TACR2: variants seen among roughly 807,000 people sequenced by gnomAD.
The protein encoded by TACR2 is tachykinin receptor 2.
Under a neutral mutation model 28.9 loss-of-function variants are expected in TACR2, and 24 were observed. The ratio of observed to expected loss-of-function variants is 0.83; its 90% CI spans 0.60 to 1.17. The LOEUF is 1.17. Among genes scored for constraint, TACR2 ranks in the 50% most tolerant of loss-of-function variants. The probability of loss-of-function intolerance (pLI) is 0.00; values close to 1 mark genes in which losing one functional copy is unlikely to be tolerated. For missense variants in TACR2, 487 were observed against 524.4 expected (o/e 0.93, Z 0.70); for synonymous variants, 222 against 212.6 (o/e 1.04, Z -0.38).
At chr10:69,415,820 A>C in intron 1 of TACR2, 112 bp downstream of exon 1, 9 of 1,312,598 alleles carry the variant, frequency 6.9e-6, no homozygotes, top group Non-Finnish European at 8.4e-6. Flanking sequence ...TTGGGAAGCC[A>C]TTCCCATGGT....
chr10:69,415,991 G>T lies in TACR2; in HGVS notation c.333C>A (p.Leu111=). The T allele has an allele frequency of 6.2e-7, 1 of 1,614,250 alleles. No individual in the cohort carries two copies. Among genetic ancestry groups the T allele is most frequent in the South Asian group, 1.1e-5 (1 of 91,086 alleles). ...FGRAFCYFQN[L]FPITAMFVSI... ...TGACAAACATGGCTGTGATGGGGAA[G>T]AGGTTCTGGAAGTAGCAGAAGGCAC... The change falls in exon 1 of 5, where the codon CTC becomes CTA. Residue 111 remains leucine (L), a synonymous_variant. Transcript: ENST00000373306.
In TACR2 at chr10:69,416,686, A is replaced by G; in HGVS notation, c.-363T>C. The G allele has an allele frequency of 5.3e-6, 1 of 189,530 alleles. No individual in the cohort carries two copies. Among genetic ancestry groups the G allele is most frequent in the Non-Finnish European group, 1.1e-5 (1 of 92,044 alleles). 11.7% of individuals were successfully genotyped at this position (189,530 alleles called of 1,614,324 possible). Reference sequence around the variant, plus strand: ...AGAGATTCCAAGAGGGGACGGGACCAGCCCAGGTCACTCAGGAAGTTGGTG... The same window carrying G: ...AGAGATTCCAAGAGGGGACGGGACCGGCCCAGGTCACTCAGGAAGTTGGTG... On this transcript the variant is annotated 5_prime_UTR_variant, in exon 1 of 5. Coordinates refer to ENST00000373306, the MANE Select transcript of TACR2 (RefSeq NM_001057.3).
chr10:69,409,113 G>A, intron 2 of TACR2, 38 bp from the exon 3 acceptor site: 2 of 1,502,350 alleles, frequency 1.3e-6, no homozygotes, highest in South Asian at 1.3e-5. Flanking sequence ...CGGAGGGCCC[G>A]GGGGCGACTC....
rs1419867854 is a variant in TACR2, at chr10:69,404,542, T to G, written c.*284A>C. 1 of 282,098 alleles carries G rather than the reference T, an allele frequency of 3.5e-6. No homozygotes were observed. The highest frequency in any genetic ancestry group is 6.0e-5 in the East Asian group (1 of 16,608). The allele number at this position is 282,098 out of a possible 1,614,324, so 17.5% of individuals were successfully genotyped here. On this transcript the variant is annotated 3_prime_UTR_variant, in exon 5 of 5. Transcript: ENST00000373306. ...TTCTGGTGGCTGGAATATCCAAGAT[T>G]GGGCAGCTGCATCTGGTGAAGGCCT...
rs201627065 is a variant in TACR2, at chr10:69,416,182, C to T, written c.142G>A (p.Val48Met). 3.7e-5 allele frequency: 59 copies of T among 1,614,214 alleles called. No individual in the cohort carries two copies. Among genetic ancestry groups the T allele is most frequent in the South Asian group, 7.7e-5 (7 of 91,084 alleles). ...CAGATGACGATGGCATTACCCGTCA[C>T]GGCCACCAGCACCAGGGCCAGGTAG... Reference protein sequence around the residue: ...TAYLALVLVAVTGNAIVIWII... With the variant: ...TAYLALVLVAMTGNAIVIWII... The change falls in exon 1 of 5, where the codon GTG becomes ATG. Residue 48 changes from valine (V) to methionine (M), a missense_variant. Val to Met is a conservative substitution (Grantham distance 21). Transcript: ENST00000373306.
chr10:69,407,969 C>T (rs1166982866), intron 3 of TACR2, among the ~76,000 whole-genome samples: 1 of 152,240 alleles, frequency 6.6e-6, no homozygotes, highest in Non-Finnish European at 1.5e-5. Context: ...GTGCAGCTAT[C>T]TCCCCGAACC....
intron 2 of TACR2, among the ~76,000 whole-genome samples, chr10:69,410,926 C>G: frequency 6.6e-6 from 1 of 152,170 alleles, no homozygotes; most frequent in Middle Eastern, 3.2e-3. Flanking sequence ...AGAGCTCCAC[C>G]TGTCTTGTGG....
At chr10:69,409,931 A>ATATG (rs1840554677) in intron 2 of TACR2, among the ~76,000 whole-genome samples, 2 of 97,196 alleles carry the variant, frequency 2.1e-5, no homozygotes, top group East Asian at 2.6e-4. Context: ...ATATATATAT[A>ATATG]TATATATATA....
intron 4 of TACR2, 26 bp downstream of exon 4, chr10:69,407,058 A>T: frequency 6.2e-7 from 1 of 1,611,124 alleles, no homozygotes; most frequent in Non-Finnish European, 8.5e-7. Context: ...CTGAGGGCAG[A>T]GGGTGGGGCT....
At chr10:69,412,186 A>T (rs2133009938) in intron 2 of TACR2, among the ~76,000 whole-genome samples, 1 of 152,296 alleles carries the variant, frequency 6.6e-6, no homozygotes, top group South Asian at 2.1e-4. Context: ...CTTTTTCTCC[A>T]TTGCAATTCC....
At position 69,404,740 on chromosome 10, in the gene TACR2, A is replaced by G. The variant is rs199834808; in HGVS notation, c.*86T>C. 1.6e-6 allele frequency: 1 copy of G among 606,190 alleles called. No homozygotes were observed. The highest frequency in any genetic ancestry group is 2.7e-6 in the Non-Finnish European group (1 of 367,896). The allele number at this position is 606,190 out of a possible 1,614,324, so 37.6% of individuals were successfully genotyped here. ...AGAGTGATGATTCACTTCAACTGGAAGGCATTAATCTATTCATAAGGGATC... is the reference window on the plus strand; with the variant it reads ...AGAGTGATGATTCACTTCAACTGGAGGGCATTAATCTATTCATAAGGGATC... On this transcript the variant is annotated 3_prime_UTR_variant, in exon 5 of 5. Coordinates refer to ENST00000373306, the MANE Select transcript of TACR2 (RefSeq NM_001057.3).
intron 2 of TACR2, among the ~76,000 whole-genome samples, chr10:69,410,159 C>G (rs4644560): frequency 0.58 from 87,357 of 151,214 alleles, 26,007 homozygotes; most frequent in South Asian, 0.7. Context: ...AGTACCATTG[C>G]GTGGCTTCCT....
chr10:69,415,944 A>G lies in TACR2; in HGVS notation c.380T>C (p.Ile127Thr). The change falls in exon 1 of 5, where the codon ATT becomes ACT. Residue 127 changes from isoleucine to threonine, a missense_variant. Coordinates refer to ENST00000373306, the MANE Select transcript of TACR2 (RefSeq NM_001057.3). Reference sequence around the variant, plus strand: ...AGGACCCTCTTGCCTGTCGGCAGCAATGGCGGTCATGGAGTAGATGCTGAC... The same window carrying G: ...AGGACCCTCTTGCCTGTCGGCAGCAGTGGCGGTCATGGAGTAGATGCTGAC... ...MFVSIYSMTAIAADRYMAIVH... is the reference protein window; with the variant it reads ...MFVSIYSMTATAADRYMAIVH... 1 of 1,613,006 alleles carries G rather than the reference A, an allele frequency of 6.2e-7. No individual in the cohort carries two copies. Among genetic ancestry groups the G allele is most frequent in the Non-Finnish European group, 8.5e-7 (1 of 1,178,964 alleles).
chr10:69,413,944 T>C (rs1840589425), intron 2 of TACR2, among the ~76,000 whole-genome samples: 1 of 152,194 alleles, frequency 6.6e-6, no homozygotes, highest in East Asian at 1.9e-4. Flanking sequence ...TTATGAATCC[T>C]CATTTTAGAG....
chr10:69,411,640 C>G (rs973776558), intron 2 of TACR2, among the ~76,000 whole-genome samples: 3 of 152,134 alleles, frequency 2.0e-5, no homozygotes, highest in Non-Finnish European at 4.4e-5. Flanking sequence ...CAGCTGACAC[C>G]ACCCAGACCG....
In TACR2 at chr10:69,404,005, T is replaced by G. The variant is rs1379803339; in HGVS notation, c.*821A>C. ...GCAACGTTTGTCCAGAGCTGAGTAGTTCTTGTCCCCTTTGAATGCCTGTCC... is the reference window on the plus strand; with the variant it reads ...GCAACGTTTGTCCAGAGCTGAGTAGGTCTTGTCCCCTTTGAATGCCTGTCC... On this transcript the variant is annotated 3_prime_UTR_variant, in exon 5 of 5. Coordinates refer to ENST00000373306, the MANE Select transcript of TACR2 (RefSeq NM_001057.3). 2.0e-5 allele frequency: 3 copies of G among 152,216 alleles called. No individual in the cohort carries two copies. The highest frequency in any genetic ancestry group is 7.2e-5 in the African/African-American group (3 of 41,448). The allele number at this position is 152,216 out of a possible 1,614,324, so 9.4% of individuals were successfully genotyped here. A position where few individuals can be genotyped will look rare whatever the true frequency, so the allele number is the denominator to read the frequency against.
chr10:69,413,258 C>G (rs1840583705), intron 2 of TACR2, among the ~76,000 whole-genome samples: 1 of 152,228 alleles, frequency 6.6e-6, no homozygotes, highest in African/African-American at 2.4e-5. Flanking sequence ...AACACATTCT[C>G]ACACTTAAAA....
chr10:69,405,140 G>A (rs762134371), intron 4 of TACR2, 56 bp from the exon 5 acceptor site: 55 of 1,455,908 alleles, frequency 3.8e-5, no homozygotes, highest in Non-Finnish European at 5.0e-5. Flanking sequence ...GAGCTGTGAT[G>A]TGACTGCCCC....
At position 69,408,937 on chromosome 10, in the gene TACR2, C is replaced by A. The variant is rs1840533296; in HGVS notation, c.726G>T (p.Leu242=). Residue 242 remains leucine, a synonymous_variant, in exon 3 of 5, where the codon CTG becomes CTT. Transcript: ENST00000373306. ...CCGCGCCCACCTTCTTCATGGCCTG[C>A]AGGTGGCGCAGGTTGGCACCGTGCG... The part of the protein sequence containing the change: ...HQAHGANLRH[L]QAMKKFVKTM... 1.3e-6 allele frequency: 2 copies of A among 1,497,274 alleles called. No homozygotes were observed. The highest frequency in any genetic ancestry group is 1.3e-5 in the South Asian group (1 of 78,552). The allele number at this position is 1,497,274 out of a possible 1,614,324, so 92.7% of individuals were successfully genotyped here. A position where few individuals can be genotyped will look rare whatever the true frequency, so the allele number is the denominator to read the frequency against.
Sources: allele counts gnomAD v4.1 joint callset (sites outside exome capture counted in the v4.1 genomes callset), GRCh38; gene constraint gnomAD v4.1.1; transcripts MANE v1.5; gene names NCBI Gene and HGNC (gene_info 2026-07-23, HGNC 2026-07-21).